PDE2A: variants seen among roughly 807,000 people sequenced by gnomAD.
PDE2A encodes the protein cGMP-dependent 3',5'-cyclic phosphodiesterase.
PDE2A carries 53 observed loss-of-function variants against 133.6 expected under a neutral mutation model. The observed-to-expected ratio is 0.40, with a 90% confidence interval of 0.32 to 0.50. The LOEUF is 0.50. PDE2A is among the 20% of genes least tolerant of loss of function. The pLI is 0.73. For missense variants in PDE2A, 796 were observed against 1,232.4 expected, an observed-to-expected ratio of 0.65 and a Z score of 5.30; for synonymous variants, 491 against 490.2, an observed-to-expected ratio of 1.00 and a Z score of -0.02.
At chr11:72,585,107 G>C in intron 16 of PDE2A, 163 bp from the exon 17 acceptor site, 1 of 615,924 alleles carries the variant, frequency 1.6e-6, no homozygotes. Context: ...GTCCATTCAA[G>C]TGTTTTGTTT....
chr11:72,638,200 C>T (rs1454702904), intron 2 of PDE2A, among the ~76,000 whole-genome samples: 2 of 152,234 alleles, frequency 1.3e-5, no homozygotes, highest in Admixed American at 1.3e-4. Context: ...AGACCTGCAC[C>T]AGTCACCTGA....
chr11:72,628,229 G>A (rs4944589), intron 2 of PDE2A, among the ~76,000 whole-genome samples: 16,918 of 152,258 alleles, frequency 0.11, 1,091 homozygotes, highest in East Asian at 0.14. Flanking sequence ...CATGTGCCAG[G>A]CCTGCGCCGG....
Position 72,591,313 on chromosome 11 carries a change from T to C in PDE2A, c.533A>G (p.Gln178Arg). The C allele has an allele frequency of 6.2e-7, 1 of 1,613,864 alleles. No homozygotes were observed. The highest frequency in any genetic ancestry group is 2.2e-5 in the East Asian group (1 of 44,886). The change falls in exon 7 of 31, where the codon CAG becomes CGG. Residue 178 changes from glutamine to arginine, a missense_variant. This residue lies in a region of PDE2A where 417 missense variants were observed against 475.3 expected (regional missense o/e 0.88). Coordinates refer to ENST00000334456, the MANE Select transcript of PDE2A (RefSeq NM_002599.5). ...CCCACTCACATGCTTCTCCACCGCC[T>C]GCAGGCTCCATTCCTCATTATCACT... is the stretch of plus-strand genomic sequence containing the variant. ...QLSDNEEWSL[Q>R]AVEKHTLVAL...
At chr11:72,649,733 C>A (rs929764849) in intron 1 of PDE2A, among the ~76,000 whole-genome samples, 1 of 152,212 alleles carries the variant, frequency 6.6e-6, no homozygotes, top group African/African-American at 2.4e-5. Context: ...TACCAGCCGG[C>A]TCCTTCCCAT....
intron 1 of PDE2A, among the ~76,000 whole-genome samples, chr11:72,650,405 CT>C (rs1445643315): frequency 6.6e-6 from 1 of 152,126 alleles, no homozygotes; most frequent in Non-Finnish European, 1.5e-5. Context: ...TCTCCACCCT[CT>C]CAAAAGGTCT....
At chr11:72,666,261 T>A (rs1855230918) in intron 1 of PDE2A, among the ~76,000 whole-genome samples, 1 of 152,188 alleles carries the variant, frequency 6.6e-6, no homozygotes, top group Non-Finnish European at 1.5e-5. Context: ...GCAAGCCCTA[T>A]CATCTCATCC....
chr11:72,666,053 G>A (rs895585463), intron 1 of PDE2A, among the ~76,000 whole-genome samples: 3 of 152,088 alleles, frequency 2.0e-5, no homozygotes, highest in Admixed American at 6.5e-5. Flanking sequence ...GACTTCACAC[G>A]TCCCCAGGAG....
chr11:72,605,060 G>T (rs1856911692), intron 4 of PDE2A, 78 bp downstream of exon 4: 3 of 891,950 alleles, frequency 3.4e-6, no homozygotes, highest in Non-Finnish European at 5.4e-6. Flanking sequence ...GGTCAGACCA[G>T]ATGACCTTGG....
chr11:72,582,426 T>G lies in PDE2A; in HGVS notation c.1851+18A>C. The stretch of plus-strand genomic sequence containing the variant: ...CATACCTTCGGCCTGGCCAGTCAAG[T>G]GGAGGAGAGCAACTCACCATGGACG... On this transcript the variant is annotated intron_variant, in intron 21 of 30. Transcript: ENST00000334456. The G allele has an allele frequency of 1.9e-6, 3 of 1,612,136 alleles. No homozygotes were observed. The highest frequency in any genetic ancestry group is 2.5e-6 in the Non-Finnish European group (3 of 1,179,030).
chr11:72,625,935 G>A (rs1408515280), intron 2 of PDE2A, among the ~76,000 whole-genome samples: 2 of 152,236 alleles, frequency 1.3e-5, no homozygotes, highest in Admixed American at 6.5e-5. Flanking sequence ...TACAGCCAAA[G>A]GCCAGGCAGG....
intron 2 of PDE2A, among the ~76,000 whole-genome samples, chr11:72,632,055 C>A (rs1858423635): frequency 6.6e-6 from 1 of 152,176 alleles, no homozygotes; most frequent in Admixed American, 6.5e-5. Flanking sequence ...GGGGATGAGA[C>A]ACCCATCCCT....
chr11:72,580,432 T>A, intron 25 of PDE2A, 145 bp downstream of exon 25: 1 of 696,138 alleles, frequency 1.4e-6, no homozygotes, highest in Non-Finnish European at 2.6e-6. Flanking sequence ...TCCAGGAAAA[T>A]GAGCCAGACA....
rs748510911 is a variant in PDE2A at position 72,615,082 on chromosome 11, G to A, written c.145-6331C>T. On this transcript the variant is annotated intron_variant, in intron 2 of 30. Coordinates refer to ENST00000334456, the MANE Select transcript of PDE2A (RefSeq NM_002599.5). ...TCAGTTGTTACTCCAACAGGGCCGC[G>A]TCTCCAGCCTCCGAGCCACACTGGA... 1.8e-5 allele frequency: 9 copies of A among 510,874 alleles called. No individual in the cohort carries two copies. In the Admixed American group the frequency reaches 1.8e-4, roughly 10 times the overall value. 31.6% of individuals were successfully genotyped at this position (510,874 alleles called of 1,614,324 possible).
At chr11:72,618,314 G>A (rs1051286789) in intron 2 of PDE2A, among the ~76,000 whole-genome samples, 4 of 152,170 alleles carry the variant, frequency 2.6e-5, no homozygotes, top group South Asian at 2.1e-4. Flanking sequence ...TTGCTCCTCC[G>A]TTTCCTGCAC....
At position 72,579,020 on chromosome 11, in the gene PDE2A, G is replaced by T; in HGVS notation, c.2357-11C>A. Reference sequence around the variant, plus strand: ...TTCGGTCGTAGCCCACTGTTGAGGGGAGGATGGGGTCAAGGAGCGGGGCCC... The same window carrying T: ...TTCGGTCGTAGCCCACTGTTGAGGGTAGGATGGGGTCAAGGAGCGGGGCCC... On this transcript the variant is annotated splice_polypyrimidine_tract_variant and intron_variant, in intron 27 of 30. Coordinates refer to ENST00000334456, the MANE Select transcript of PDE2A (RefSeq NM_002599.5). 6.3e-7 allele frequency: 1 copy of T among 1,584,798 alleles called. No homozygotes were observed. The highest frequency in any genetic ancestry group is 1.1e-5 in the South Asian group (1 of 90,412).
rs58905066 is a variant in PDE2A at position 72,650,876 on chromosome 11, T to TACACACACAC, written c.72-8560_72-8551dup. On this transcript the variant is annotated intron_variant, in intron 1 of 30. Transcript: ENST00000334456. ...CCTGACCCCTGACCCCAGTCCCCAC[T>TACACACACAC]ACACACACACACACACACACACACA... Among the ~76,000 whole-genome samples the TACACACACAC allele has an allele frequency of 9.9e-4, 129 of 130,382 alleles. 1 individual carries two copies. The highest frequency in any genetic ancestry group is 1.3e-3 in the South Asian group (5 of 3,892). 85.5% of individuals were successfully genotyped at this position (130,382 alleles called of 152,430 possible).
At position 72,580,967 on chromosome 11, in the gene PDE2A, G is replaced by A. The variant is rs936694236; in HGVS notation, c.2052C>T (p.Ile684=). The change falls in exon 24 of 31, where the codon ATC becomes ATT. Residue 684 remains isoleucine, a synonymous_variant. Coordinates refer to ENST00000334456, the MANE Select transcript of PDE2A (RefSeq NM_002599.5). ...NLELTNYLED[I]EIFALFISCM... ...AGGAAATAAACAAGGCAAAGATCTC[G>A]ATGTCCCTGGTTGAGAGGCAGAAAG... 5.8e-5 allele frequency: 94 copies of A among 1,609,242 alleles called. No homozygotes were observed. Among genetic ancestry groups the A allele is most frequent in the Non-Finnish European group, 7.3e-5 (86 of 1,175,824 alleles).
At position 72,643,900 on chromosome 11, in the gene PDE2A, T is replaced by A. The variant is rs1192449038; in HGVS notation, c.72-1574A>T. Among the ~76,000 whole-genome samples, 3 of 152,036 alleles carry A rather than the reference T, an allele frequency of 2.0e-5. No individual in the cohort carries two copies. The East Asian group carries it at 5.8e-4, about 29-fold the overall frequency. On this transcript the variant is annotated intron_variant, in intron 1 of 30. Transcript: ENST00000334456. Reference sequence around the variant, plus strand: ...CTCTCCCCCACTCACCCTCAGTGGCTCCCTACCACCAGCACAATAAAGCCC... The same window carrying A: ...CTCTCCCCCACTCACCCTCAGTGGCACCCTACCACCAGCACAATAAAGCCC...
intron 1 of PDE2A, among the ~76,000 whole-genome samples, chr11:72,672,025 T>C (rs35534137): frequency 0.17 from 25,305 of 152,072 alleles, 2,813 homozygotes; most frequent in Middle Eastern, 0.27. Context: ...TTCTCATCTA[T>C]CCAGCCTTTC....
Sources: allele counts gnomAD v4.1 joint callset (sites outside exome capture counted in the v4.1 genomes callset), GRCh38; gene constraint gnomAD v4.1.1; regional missense constraint gnomAD v4.1.1; transcripts MANE v1.5; gene names NCBI Gene and HGNC (gene_info 2026-07-23, HGNC 2026-07-21).